Variants in RABEP2 observed in about 807,000 individuals in gnomAD.
RABEP2 encodes the protein rabaptin, RAB GTPase binding effector protein 2.
RABEP2 carries 57 observed loss-of-function variants against 74.1 expected under a neutral mutation model. The observed-to-expected ratio is 0.77, with a 90% CI of 0.62 to 0.96. The LOEUF is 0.96. Among genes scored for constraint, RABEP2 ranks in the 40% least tolerant of loss-of-function variants. The pLI is 0.00. For synonymous variants in RABEP2, 351 were observed against 344.0 expected (o/e 1.02, Z -0.23); for missense variants, 692 against 756.3 (o/e 0.91, Z 1.00).
Position 28,905,509 on chromosome 16 carries a change from T to C in RABEP2, c.1496A>G (p.Gln499Arg). ...CTGTTCTGAGAGGAGGTCTGGGAGC[T>C]GGGCCTGCGGGGACAGACACCACAC... Reference protein sequence around the residue: ...ERVQQEQSKAQLPDLLSEQRA... With the variant: ...ERVQQEQSKARLPDLLSEQRA... Residue 499 changes from glutamine (Q) to arginine (R), a missense_variant, in exon 12 of 13, where the codon CAG (glutamine) becomes CGG (arginine). Transcript: ENST00000358201. 1 of 1,610,866 alleles carries C rather than the reference T, an allele frequency of 6.2e-7. No individual in the cohort carries two copies. Among genetic ancestry groups the C allele is most frequent in the Non-Finnish European group, 8.5e-7 (1 of 1,179,322 alleles).
intron 5 of RABEP2, among the ~76,000 whole-genome samples, chr16:28,913,640 C>G (rs1964343641): frequency 6.6e-6 from 1 of 151,938 alleles, no homozygotes; most frequent in African/African-American, 2.4e-5. Context: ...CGCCACCACG[C>G]CCAGCTAATT....
At chr16:28,918,710 G>A (rs907645752) in intron 3 of RABEP2, among the ~76,000 whole-genome samples, 4 of 152,060 alleles carry the variant, frequency 2.6e-5, no homozygotes, top group Middle Eastern at 3.4e-3. Context: ...CTGGAGTGCA[G>A]TGATGTGATC....
chr16:28,912,960 C>G (rs1031566148), intron 5 of RABEP2, among the ~76,000 whole-genome samples: 14 of 151,672 alleles, frequency 9.2e-5, no homozygotes, highest in African/African-American at 3.4e-4. Context: ...GTTTTTTTTT[C>G]TCTTTTTTTT....
At chr16:28,914,196 G>A (rs1447968389) in intron 5 of RABEP2, 40 bp downstream of exon 5, 5 of 1,493,928 alleles carry the variant, frequency 3.3e-6, no homozygotes, top group Non-Finnish European at 4.5e-6. Context: ...CCAGCAGAGA[G>A]GGGGATGGTA....
chr16:28,909,767 G>A (rs960658266), intron 7 of RABEP2, among the ~76,000 whole-genome samples: 1 of 151,322 alleles, frequency 6.6e-6, no homozygotes, highest in African/African-American at 2.4e-5. Flanking sequence ...GCTTACGCCT[G>A]TAATCCCAGC....
intron 3 of RABEP2, among the ~76,000 whole-genome samples, chr16:28,917,443 G>A (rs528557901): frequency 8.5e-5 from 13 of 152,200 alleles, no homozygotes; most frequent in African/African-American, 2.6e-4. Context: ...TTTTTGAGAC[G>A]GAATCTTGCT....
chr16:28,919,746 C>T, intron 3 of RABEP2, 40 bp downstream of exon 3: 1 of 1,574,670 alleles, frequency 6.4e-7, no homozygotes, highest in Middle Eastern at 1.7e-4. Context: ...CAACATTCTT[C>T]CAAATCCCAG....
At chr16:28,911,260 G>T in intron 5 of RABEP2, 81 bp from the exon 6 acceptor site, 1 of 1,302,780 alleles carries the variant, frequency 7.7e-7, no homozygotes, top group East Asian at 2.4e-5. Flanking sequence ...CACCTCTGCA[G>T]GGAGGTGCCC....
At chr16:28,921,271 T>C (rs1964465296) in intron 2 of RABEP2, 3 of 455,676 alleles carry the variant, frequency 6.6e-6, no homozygotes, top group Non-Finnish European at 1.3e-5. Context: ...CACAGTCCAA[T>C]GAAGAGGGCG....
At chr16:28,911,524 G>T (rs1004735062) in intron 5 of RABEP2, among the ~76,000 whole-genome samples, 1 of 151,862 alleles carries the variant, frequency 6.6e-6, no homozygotes, top group Non-Finnish European at 1.5e-5. Flanking sequence ...TTAGCCGGGC[G>T]TGGTGGCGGG....
chr16:28,904,486 T>A lies in RABEP2; in HGVS notation c.*457A>T. 1 of 1,502,572 alleles carries A rather than the reference T, an allele frequency of 6.7e-7. No individual in the cohort carries two copies. The highest frequency in any genetic ancestry group is 8.9e-7 in the Non-Finnish European group (1 of 1,125,570). 93.1% of individuals were successfully genotyped at this position (1,502,572 alleles called of 1,614,324 possible). ...AGTCTGGCCTTGCCTCTGTGCAAGC[T>A]TGGAGGCCTGGGTCGCCGCTGTGGA... On this transcript the variant is annotated 3_prime_UTR_variant, in exon 13 of 13. Transcript: ENST00000358201.
Position 28,904,544 on chromosome 16 carries a change from AGCT to A in RABEP2, c.*396_*398del, listed in dbSNP as rs1241031940. 2.1e-6 allele frequency: 3 copies of A among 1,435,024 alleles called. No individual in the cohort carries two copies. In the African/African-American group the frequency reaches 4.2e-5, roughly 20 times the overall value. 88.9% of individuals were successfully genotyped at this position (1,435,024 alleles called of 1,614,324 possible). A position where few individuals can be genotyped will look rare whatever the true frequency, so the allele number is the denominator to read the frequency against. ...CTTAGTGTCATGCAGACCAGAAGGCAGCTGCCTGTCCCAGGGCCGGGGCCCACC... is the reference window on the plus strand; with the variant it reads ...CTTAGTGTCATGCAGACCAGAAGGCAGCCTGTCCCAGGGCCGGGGCCCACC... On this transcript the variant is annotated 3_prime_UTR_variant, in exon 13 of 13. Transcript: ENST00000358201.
At chr16:28,908,913 C>T in intron 7 of RABEP2, 149 bp from the exon 8 acceptor site, 1 of 776,604 alleles carries the variant, frequency 1.3e-6, no homozygotes, top group Non-Finnish European at 2.0e-6. Flanking sequence ...GCACTTTTTG[C>T]TACCAAGCTC....
intron 8 of RABEP2, among the ~76,000 whole-genome samples, chr16:28,906,455 C>G (rs573884142): frequency 6.6e-6 from 1 of 152,310 alleles, no homozygotes; most frequent in East Asian, 1.9e-4. Flanking sequence ...CCATAAAGTT[C>G]AGCAGATTAC....
chr16:28,911,215 G>T (rs1461293772), intron 5 of RABEP2, 36 bp from the exon 6 acceptor site: 1 of 1,591,458 alleles, frequency 6.3e-7, no homozygotes. Context: ...GCATCTCCCA[G>T]GAACTTGGCC....
Position 28,904,425 on chromosome 16 carries a change from C to G in RABEP2, c.*518G>C. Reference sequence around the variant, plus strand: ...TGCAGGGACAAGGCGACCGACTGCGCTGAGCTGCTTATTTATTGAAAATAA... The same window carrying G: ...TGCAGGGACAAGGCGACCGACTGCGGTGAGCTGCTTATTTATTGAAAATAA... On this transcript the variant is annotated 3_prime_UTR_variant, in exon 13 of 13. Coordinates refer to ENST00000358201, the MANE Select transcript of RABEP2 (RefSeq NM_024816.3). The G allele has an allele frequency of 6.5e-7, 1 of 1,532,880 alleles. No homozygotes were observed. The highest frequency in any genetic ancestry group is 8.7e-7 in the Non-Finnish European group (1 of 1,145,074). The allele number at this position is 1,532,880 out of a possible 1,614,324, so 95.0% of individuals were successfully genotyped here. A position where few individuals can be genotyped will look rare whatever the true frequency, so the allele number is the denominator to read the frequency against.
At position 28,914,780 on chromosome 16, in the gene RABEP2, G is replaced by C; in HGVS notation, c.435C>G (p.Ala145=). The C allele has an allele frequency of 6.2e-7, 1 of 1,613,924 alleles. No individual in the cohort carries two copies. Among genetic ancestry groups the C allele is most frequent in the Non-Finnish European group, 8.5e-7 (1 of 1,179,910 alleles). Residue 145 remains alanine, a splice_region_variant and synonymous_variant, in exon 4 of 13, where the codon GCC becomes GCG. Transcript: ENST00000358201. ...CCCGCAGCTTCTCCGAGTCCTCGTG[G>C]GCCTGGAGGGAGCGGGGTGTGGCAG... ...LDSLEKQMEK[A]HEDSEKLREI...
In RABEP2 at chr16:28,914,665, C is replaced by T; in HGVS notation, c.543+7G>A. 1.2e-6 allele frequency: 2 copies of T among 1,613,850 alleles called. No individual in the cohort carries two copies. Among genetic ancestry groups the T allele is most frequent in the Non-Finnish European group, 1.7e-6 (2 of 1,179,790 alleles). ...CCTTCCCCAGCGCCCCCTGGCCGTG[C>T]CCTCACCTGGATCTCCTGAATCAGC... On this transcript the variant is annotated splice_region_variant and intron_variant, in intron 4 of 12. Transcript: ENST00000358201.
intron 3 of RABEP2, among the ~76,000 whole-genome samples, chr16:28,915,735 G>A (rs1346088951): frequency 1.3e-5 from 2 of 151,546 alleles, no homozygotes; most frequent in African/African-American, 4.9e-5. Flanking sequence ...AGTAGAGACA[G>A]GGTTTCACTA....
Sources: allele counts gnomAD v4.1 joint callset (sites outside exome capture counted in the v4.1 genomes callset), GRCh38; gene constraint gnomAD v4.1.1; transcripts MANE v1.5; gene names NCBI Gene and HGNC (gene_info 2026-07-23, HGNC 2026-07-21).